Variants in KCNB2 observed in about 807,000 individuals in gnomAD.
KCNB2 encodes delayed rectifier potassium channel protein.
KCNB2 carries 15 observed loss-of-function variants against 61.5 expected under a neutral mutation model. That is an observed-to-expected ratio of 0.24 (90% CI 0.16 to 0.38). KCNB2 has a LOEUF of 0.38. KCNB2 is among the 10% of genes least tolerant of loss of function. KCNB2 has a pLI of 1.00. For synonymous variants in KCNB2, 457 were observed against 446.0 expected (o/e 1.02, Z -0.31); for missense variants, 828 against 1,125.2 (o/e 0.74, Z 3.78).
intron 2 of KCNB2, among the ~76,000 whole-genome samples, chr8:72,637,196 G>A (rs779163090): frequency 2.0e-5 from 3 of 152,110 alleles, no homozygotes; most frequent in African/African-American, 4.8e-5. Flanking sequence ...ATGAGGATGC[G>A]ATGGTTTACT....
intron 2 of KCNB2, among the ~76,000 whole-genome samples, chr8:72,730,470 G>T (rs376783781): frequency 2.2e-4 from 33 of 152,278 alleles, no homozygotes; most frequent in Middle Eastern, 6.8e-3. Flanking sequence ...TACCTGTTGT[G>T]ATTTGCCTTT....
intron 2 of KCNB2, among the ~76,000 whole-genome samples, chr8:72,739,123 A>G (rs1322698597): frequency 1.3e-5 from 2 of 152,030 alleles, no homozygotes; most frequent in Non-Finnish European, 2.9e-5. Context: ...TTTCATAGAT[A>G]TCACCCCATA....
At chr8:72,870,845 C>T (rs998021440) in intron 2 of KCNB2, among the ~76,000 whole-genome samples, 8 of 152,162 alleles carry the variant, frequency 5.3e-5, no homozygotes, top group Non-Finnish European at 1.0e-4. Context: ...GGTGTGGTGC[C>T]ATGCACCTGT....
intron 1 of KCNB2, among the ~76,000 whole-genome samples, chr8:72,548,273 C>T (rs568665682): frequency 6.6e-6 from 1 of 152,130 alleles, no homozygotes; most frequent in African/African-American, 2.4e-5. Flanking sequence ...CTGAGGTATG[C>T]TTGTATAATG....
intron 2 of KCNB2, among the ~76,000 whole-genome samples, chr8:72,854,136 A>C (rs948078012): frequency 4.6e-5 from 7 of 152,162 alleles, no homozygotes; most frequent in Admixed American, 2.6e-4. Context: ...AGAGCATCTA[A>C]TTGCTTCCTG....
At chr8:72,696,081 G>A (rs151319597) in intron 2 of KCNB2, among the ~76,000 whole-genome samples, 3 of 152,220 alleles carry the variant, frequency 2.0e-5, no homozygotes, top group Admixed American at 1.3e-4. Flanking sequence ...GCAGATTGGT[G>A]TAACCTTGTC....
Position 72,719,500 on chromosome 8 carries a change from C to CAATT in KCNB2, c.579+151189_579+151192dup, listed in dbSNP as rs1807510865. ...TTTATTGCTAAATAGATTTCTTTAG[C>CAATT]AATTAGGCACTTACCAATTTAGTAT... On this transcript the variant is annotated intron_variant, in intron 2 of 2. Transcript: ENST00000523207. Among the ~76,000 whole-genome samples the CAATT allele has an allele frequency of 5.3e-5, 8 of 152,168 alleles. No homozygotes were observed. The South Asian group carries it at 1.5e-3, about 28-fold the overall frequency.
intron 2 of KCNB2, among the ~76,000 whole-genome samples, chr8:72,868,621 A>C (rs10104536): frequency 0.38 from 58,193 of 151,696 alleles, 11,381 homozygotes; most frequent in Non-Finnish European, 0.42. Flanking sequence ...ACCAAAAAAA[A>C]CCCAAAAAAG....
chr8:72,684,997 A>G (rs1004280609), intron 2 of KCNB2, among the ~76,000 whole-genome samples: 10 of 152,196 alleles, frequency 6.6e-5, no homozygotes, highest in Admixed American at 5.9e-4. Flanking sequence ...AGAGGTTTCC[A>G]TGGAGTAGAA....
At chr8:72,559,946 G>T (rs1205853465) in intron 1 of KCNB2, among the ~76,000 whole-genome samples, 2 of 152,116 alleles carry the variant, frequency 1.3e-5, no homozygotes, top group East Asian at 3.9e-4. Context: ...TGTAAATAAA[G>T]AAATTGGACC....
At chr8:72,696,177 T>C (rs1807016316) in intron 2 of KCNB2, among the ~76,000 whole-genome samples, 2 of 152,148 alleles carry the variant, frequency 1.3e-5, no homozygotes. Context: ...AATAAATATT[T>C]ATTAAGGGGT....
intron 2 of KCNB2, among the ~76,000 whole-genome samples, chr8:72,702,354 C>T (rs191806048): frequency 6.6e-6 from 1 of 152,210 alleles, no homozygotes; most frequent in East Asian, 1.9e-4. Context: ...AGTTTCTGAA[C>T]ATGAGCAGCA....
At chr8:72,683,825 G>T (rs1806802864) in intron 2 of KCNB2, among the ~76,000 whole-genome samples, 1 of 152,234 alleles carries the variant, frequency 6.6e-6, no homozygotes, top group African/African-American at 2.4e-5. Flanking sequence ...GGAGTGCAGA[G>T]ATGGGGCACT....
At chr8:72,616,618 T>C (rs1313954026) in intron 2 of KCNB2, among the ~76,000 whole-genome samples, 1 of 152,232 alleles carries the variant, frequency 6.6e-6, no homozygotes, top group Non-Finnish European at 1.5e-5. Context: ...AAGCACTGTC[T>C]GAATTGTCAA....
Position 72,776,707 on chromosome 8 carries a change from G to A in KCNB2, c.580-159228G>A, listed in dbSNP as rs543814759. On this transcript the variant is annotated intron_variant, in intron 2 of 2. Coordinates refer to ENST00000523207, the MANE Select transcript of KCNB2 (RefSeq NM_004770.3). ...GGCCAAGAAAAGGGTGTAGGGTGACGGTTATGACACACACGTTCGGAGATC... is the reference window on the plus strand; with the variant it reads ...GGCCAAGAAAAGGGTGTAGGGTGACAGTTATGACACACACGTTCGGAGATC... 4.6e-5 allele frequency among the ~76,000 whole-genome samples: 7 copies of A among 152,268 alleles called. No homozygotes were observed. The South Asian group carries it at 1.2e-3, about 27-fold the overall frequency.
At chr8:72,642,831 T>C (rs574274553) in intron 2 of KCNB2, among the ~76,000 whole-genome samples, 2 of 152,274 alleles carry the variant, frequency 1.3e-5, no homozygotes, top group African/African-American at 2.4e-5. Flanking sequence ...TTGGCCAATA[T>C]AGTTGAGACA....
At chr8:72,929,344 C>T (rs1806724319) in intron 2 of KCNB2, among the ~76,000 whole-genome samples, 2 of 152,138 alleles carry the variant, frequency 1.3e-5, no homozygotes, top group South Asian at 4.1e-4. Context: ...CCTACTAATG[C>T]GAGTGCTGGG....
intron 2 of KCNB2, among the ~76,000 whole-genome samples, chr8:72,720,285 C>G (rs1807526239): frequency 6.6e-6 from 1 of 152,118 alleles, no homozygotes; most frequent in African/African-American, 2.4e-5. Context: ...AGATAATGGT[C>G]ATGTATAGAA....
chr8:72,594,944 AGAG>A (rs1165654408), intron 2 of KCNB2, among the ~76,000 whole-genome samples: 7 of 152,224 alleles, frequency 4.6e-5, no homozygotes, highest in African/African-American at 1.7e-4. Flanking sequence ...CCAAGCCAAC[AGAG>A]GAGACAGAAA....
Sources: allele counts gnomAD v4.1 joint callset (sites outside exome capture counted in the v4.1 genomes callset), GRCh38; gene constraint gnomAD v4.1.1; transcripts MANE v1.5; gene names NCBI Gene and HGNC (gene_info 2026-07-23, HGNC 2026-07-21).